Variants in SLC41A1 observed in about 807,000 individuals in gnomAD.
SLC41A1 encodes the protein solute carrier family 41 member 1, also known as solute carrier family 41 (magnesium transporter), member 1.
Under a neutral mutation model 47.3 loss-of-function variants are expected in SLC41A1, and 20 were observed. The observed-to-expected ratio is 0.42, with a 90% CI of 0.30 to 0.61. The LOEUF is 0.61. Ranked by LOEUF, SLC41A1 falls within the 20% of genes least tolerant of loss-of-function variation. SLC41A1 has a pLI of 0.17. For missense variants in SLC41A1, 504 were observed against 674.1 expected (o/e 0.75, Z 2.79); for synonymous variants, 282 against 272.7 (o/e 1.03, Z -0.34).
chr1:205,793,652 T>C (rs1558078263), intron 10 of SLC41A1, among the ~76,000 whole-genome samples: 1 of 152,206 alleles, frequency 6.6e-6, no homozygotes, highest in Admixed American at 6.5e-5. Flanking sequence ...TCACAGAATA[T>C]GATGGAGCTG....
At chr1:205,805,105 C>A (rs1441169445) in intron 2 of SLC41A1, among the ~76,000 whole-genome samples, 1 of 152,052 alleles carries the variant, frequency 6.6e-6, no homozygotes, top group South Asian at 2.1e-4. Flanking sequence ...GACAGACAGG[C>A]AAGGAGAGGG....
chr1:205,804,702 C>T (rs148235206), intron 2 of SLC41A1, among the ~76,000 whole-genome samples: 9 of 152,264 alleles, frequency 5.9e-5, no homozygotes, highest in African/African-American at 2.2e-4. Context: ...TCCCCCTCTT[C>T]TCCCCTCCCT....
intron 6 of SLC41A1, 106 bp downstream of exon 6, chr1:205,798,563 C>T (rs924185801): frequency 3.5e-5 from 54 of 1,524,168 alleles, no homozygotes; most frequent in Non-Finnish European, 4.3e-5. Context: ...TGTGTTCAAA[C>T]CAAATAGTTT....
rs568937501 is a variant in SLC41A1, at chr1:205,797,428, A to G, written c.993-425T>C. Among the ~76,000 whole-genome samples the G allele has an allele frequency of 3.9e-5, 6 of 152,376 alleles. No individual in the cohort carries two copies. The South Asian group carries it at 1.2e-3, about 32-fold the overall frequency. Reference sequence around the variant, plus strand: ...AGGTGACAATGCCTCAATGATAGCTAGGCTCCAGGTCCATCCAATCAGAGG... The same window carrying G: ...AGGTGACAATGCCTCAATGATAGCTGGGCTCCAGGTCCATCCAATCAGAGG... On this transcript the variant is annotated intron_variant, in intron 7 of 10. Coordinates refer to ENST00000367137, the MANE Select transcript of SLC41A1 (RefSeq NM_173854.6).
chr1:205,794,891 A>G lies in SLC41A1; in HGVS notation c.1335T>C (p.Tyr445=), dbSNP rs749408968. 1.2e-6 allele frequency: 2 copies of G among 1,614,004 alleles called. No homozygotes were observed. The highest frequency in any genetic ancestry group is 1.7e-6 in the Non-Finnish European group (2 of 1,180,010). ...GTACCTGGAGCAGTGCAGCTGTCAT[A>G]TAGAAGATGATGAAGATGAGTGTGA... ...TTLTLIFIIF[Y]MTAALLQVLI... is the part of the protein sequence containing the mutation. The change falls in exon 10 of 11, where the codon TAT becomes TAC. Residue 445 remains tyrosine, a synonymous_variant. Transcript: ENST00000367137.
Position 205,796,673 on chromosome 1 carries a change from T to TC in SLC41A1, c.1072+250dup. On this transcript the variant is annotated intron_variant, in intron 8 of 10. Coordinates refer to ENST00000367137, the MANE Select transcript of SLC41A1 (RefSeq NM_173854.6). ...AGCAACAGATAATGGACTATGATAC[T>TC]CCCCTTGACCCTTTAGGAGTAGAGG... The TC allele has an allele frequency of 7.0e-6, 4 of 567,618 alleles. No homozygotes were observed. In the South Asian group the frequency reaches 8.1e-5, roughly 12 times the overall value. The allele number at this position is 567,618 out of a possible 1,614,324, so 35.2% of individuals were successfully genotyped here.
At chr1:205,796,548 T>C in intron 8 of SLC41A1, 1 of 300,332 alleles carries the variant, frequency 3.3e-6, no homozygotes. Context: ...AGGCCCTCAC[T>C]AGAAGCAGCT....
Position 205,810,344 on chromosome 1 carries a change from A to G in SLC41A1, c.98T>C (p.Leu33Ser), listed in dbSNP as rs370848741. 3.2e-5 allele frequency: 51 copies of G among 1,614,024 alleles called. No individual in the cohort carries two copies. The highest frequency in any genetic ancestry group is 4.0e-5 in the African/African-American group (3 of 74,924). Residue 33 changes from leucine (L) to serine (S), a missense_variant, in exon 2 of 11, where the codon TTG (leucine) becomes TCG (serine). Transcript: ENST00000367137. The surrounding 1 kb of genome is among the most constrained non-coding windows in gnomAD (Gnocchi z 5.5). ...CCCCAGGAACTCTGAGGTCCCAGCC[A>G]AGGGCTCTCTCCCTGGGCCATCTGA... The part of the protein sequence containing the change: ...CSSDGPGREP[L>S]AGTSEFLGPD...
chr1:205,795,187 C>T (rs550512740), intron 9 of SLC41A1, among the ~76,000 whole-genome samples, 157 bp downstream of exon 9: 9 of 152,278 alleles, frequency 5.9e-5, no homozygotes, highest in African/African-American at 1.7e-4. Flanking sequence ...CAGGAAAAGA[C>T]AGCCCTCCTG....
chr1:205,802,309 C>T (rs552575042), intron 2 of SLC41A1, among the ~76,000 whole-genome samples: 2 of 152,268 alleles, frequency 1.3e-5, no homozygotes, highest in East Asian at 1.9e-4. Flanking sequence ...TCACGTAGAC[C>T]GGCTGGACAC....
rs1655557570 is a variant in SLC41A1 at position 205,789,230 on chromosome 1, A to G, written c.*2303T>C. ...TTTTTAAGGATACGAGAGTAAACCA[A>G]TATTGCTCCTTGCAGCCAGGCCAAA... On this transcript the variant is annotated 3_prime_UTR_variant, in exon 11 of 11. Transcript: ENST00000367137. The G allele has an allele frequency of 6.6e-6, 1 of 152,254 alleles. No individual in the cohort carries two copies. Among genetic ancestry groups the G allele is most frequent in the South Asian group, 2.1e-4 (1 of 4,834 alleles). 9.4% of individuals were successfully genotyped at this position (152,254 alleles called of 1,614,324 possible).
intron 2 of SLC41A1, among the ~76,000 whole-genome samples, chr1:205,805,932 C>T (rs1014396522): frequency 2.0e-5 from 3 of 152,188 alleles, no homozygotes; most frequent in Non-Finnish European, 4.4e-5. Context: ...AAGTCAGAGC[C>T]AGGAATCAAG....
intron 2 of SLC41A1, among the ~76,000 whole-genome samples, chr1:205,806,345 C>T (rs187259180): frequency 4.6e-5 from 7 of 152,216 alleles, no homozygotes; most frequent in South Asian, 4.1e-4. Flanking sequence ...CCCAAGGCCA[C>T]GCTTGCCATG....
intron 2 of SLC41A1, among the ~76,000 whole-genome samples, chr1:205,806,718 C>T (rs551974072): frequency 2.7e-4 from 41 of 152,306 alleles, no homozygotes; most frequent in African/African-American, 8.4e-4. Flanking sequence ...GTCCATTTAT[C>T]CTTTTCCTAC....
At position 205,790,138 on chromosome 1, in the gene SLC41A1, CT is replaced by C. The variant is rs1008472307; in HGVS notation, c.*1394del. On this transcript the variant is annotated 3_prime_UTR_variant, in exon 11 of 11. Coordinates refer to ENST00000367137, the MANE Select transcript of SLC41A1 (RefSeq NM_173854.6). The stretch of plus-strand genomic sequence containing the variant: ...GCGGTGGCTCTAGCTGTGGTCAGCA[CT>C]GCACAGAGTAGGGGTCTGGAAAGGA... The C allele has an allele frequency of 6.0e-4, 92 of 152,358 alleles. No individual in the cohort carries two copies. The highest frequency in any genetic ancestry group is 2.1e-3 in the African/African-American group (88 of 41,556). 9.4% of individuals were successfully genotyped at this position (152,358 alleles called of 1,614,324 possible). A position where few individuals can be genotyped will look rare whatever the true frequency, so the allele number is the denominator to read the frequency against.
chr1:205,800,660 CACAA>C (rs557175280), intron 3 of SLC41A1, among the ~76,000 whole-genome samples: 7 of 152,110 alleles, frequency 4.6e-5, no homozygotes, highest in African/African-American at 1.2e-4. Context: ...GTCAAAGCTG[CACAA>C]ACAGTCACGA....
At position 205,812,938 on chromosome 1, in the gene SLC41A1, C is replaced by A; in HGVS notation, c.-777G>T. Reference sequence around the variant, plus strand: ...TCCTCCTTGGCCCCCGGCGTGCCCCCCCACACCCCCAGCCAAGGCGAGCGT... The same window carrying A: ...TCCTCCTTGGCCCCCGGCGTGCCCCACCACACCCCCAGCCAAGGCGAGCGT... On this transcript the variant is annotated 5_prime_UTR_variant, in exon 1 of 11. Transcript: ENST00000367137. The A allele has an allele frequency of 1.0e-6, 1 of 985,824 alleles. No individual in the cohort carries two copies. Among genetic ancestry groups the A allele is most frequent in the Non-Finnish European group, 1.2e-6 (1 of 830,256 alleles). 61.1% of individuals were successfully genotyped at this position (985,824 alleles called of 1,614,324 possible). A position where few individuals can be genotyped will look rare whatever the true frequency, so the allele number is the denominator to read the frequency against.
At chr1:205,798,935 C>T in intron 5 of SLC41A1, 22 bp downstream of exon 5, 1 of 1,614,168 alleles carries the variant, frequency 6.2e-7, no homozygotes, top group South Asian at 1.1e-5. Flanking sequence ...CTCCTTACTC[C>T]TCTATGCCCT....
At chr1:205,797,864 T>G in intron 7 of SLC41A1, 40 bp downstream of exon 7, 3 of 1,613,416 alleles carry the variant, frequency 1.9e-6, no homozygotes, top group African/African-American at 1.3e-5. Flanking sequence ...GTGGAAGGGT[T>G]GGAGTGGGGT....
Sources: gnomAD v4.1 joint callset for allele counts (sites outside exome capture counted in the v4.1 genomes callset) on GRCh38, gnomAD v4.1.1 for gene constraint, Gnocchi (gnomAD v3.1) non-coding constraint, MANE v1.5 for transcripts, NCBI Gene and HGNC (gene_info 2026-07-23, HGNC 2026-07-21) for gene names.